TBC1D31: variants seen among roughly 807,000 people sequenced by gnomAD.
TBC1D31 encodes the protein WD repeat domain 67.
TBC1D31 carries 99 observed loss-of-function variants against 132.9 expected under a neutral mutation model. The ratio of observed to expected loss-of-function variants is 0.74; its 90% CI spans 0.63 to 0.88. The LOEUF is 0.88. Among genes scored for constraint, TBC1D31 ranks in the 40% least tolerant of loss-of-function variants. The pLI is 0.00. For missense variants in TBC1D31, 1,134 were observed against 1,256.6 expected, an observed-to-expected ratio of 0.90 and a Z score of 1.48; for synonymous variants, 385 against 419.4, an observed-to-expected ratio of 0.92 and a Z score of 1.00.
intron 2 of TBC1D31, among the ~76,000 whole-genome samples, chr8:123,078,789 G>A (rs1208284204): frequency 6.6e-6 from 1 of 152,106 alleles, no homozygotes; most frequent in African/African-American, 2.4e-5. Context: ...AGTTCATGTT[G>A]TAACCAGTAT....
In TBC1D31 at chr8:123,126,732, T is replaced by C. The variant is rs780875014; in HGVS notation, c.1884+45T>C. ...AGAGAAGGTTCTCAAATATCAGTTA[T>C]TTCTCTCTATTTTTTTTTTAATTTT... On this transcript the variant is annotated intron_variant, in intron 13 of 21. Transcript: ENST00000287380. The C allele has an allele frequency of 3.3e-6, 5 of 1,508,474 alleles. No individual in the cohort carries two copies. In the Admixed American group the frequency reaches 1.1e-4, roughly 33 times the overall value. 93.4% of individuals were successfully genotyped at this position (1,508,474 alleles called of 1,614,324 possible). A position where few individuals can be genotyped will look rare whatever the true frequency, so the allele number is the denominator to read the frequency against.
intron 8 of TBC1D31, among the ~76,000 whole-genome samples, chr8:123,105,809 A>G (rs771216957): frequency 3.3e-5 from 5 of 152,234 alleles, no homozygotes; most frequent in Non-Finnish European, 7.3e-5. Context: ...ACACATATAC[A>G]AAGTACACAT....
intron 1 of TBC1D31, among the ~76,000 whole-genome samples, chr8:123,074,302 AAGC>A (rs1300043050): frequency 6.7e-6 from 1 of 148,390 alleles, no homozygotes; most frequent in Non-Finnish European, 1.5e-5. Context: ...TTACAGGCGT[AAGC>A]CACCGCGCCT....
intron 10 of TBC1D31, among the ~76,000 whole-genome samples, chr8:123,115,734 A>G (rs1306964592): frequency 6.6e-6 from 1 of 152,156 alleles, no homozygotes; most frequent in Non-Finnish European, 1.5e-5. Context: ...TCTGTCTTCA[A>G]AGCACCTCTC....
At chr8:123,097,884 T>G (rs1048882447) in intron 6 of TBC1D31, 4 of 152,632 alleles carry the variant, frequency 2.6e-5, no homozygotes, top group African/African-American at 9.6e-5. Flanking sequence ...TTATTTATCT[T>G]AACTGGTTGC....
chr8:123,090,781 T>C (rs1816239658), intron 4 of TBC1D31, among the ~76,000 whole-genome samples: 1 of 151,856 alleles, frequency 6.6e-6, no homozygotes, highest in African/African-American at 2.4e-5. Flanking sequence ...TGAAACCCCA[T>C]CTCTACTAAA....
chr8:123,073,601 G>T (rs189871054), intron 1 of TBC1D31, among the ~76,000 whole-genome samples: 184 of 152,310 alleles, frequency 1.2e-3, no homozygotes, highest in Non-Finnish European at 2.1e-3. Flanking sequence ...ATTTCTGCAC[G>T]CAGAGTGATC....
At chr8:123,151,301 C>T (rs1419583904) in intron 21 of TBC1D31, among the ~76,000 whole-genome samples, 1 of 152,182 alleles carries the variant, frequency 6.6e-6, no homozygotes, top group Non-Finnish European at 1.5e-5. Context: ...TCACTAGCCC[C>T]TCTAAATCAG....
At chr8:123,163,171 C>T in the TBC1D31 span, among the ~76,000 whole-genome samples, 10 of 151,828 alleles carry the variant, frequency 6.6e-5, no homozygotes, top group South Asian at 8.3e-4. Context: ...TATATATACT[C>T]GGCCTCCCAG....
chr8:123,108,305 A>G (rs1432836125), intron 8 of TBC1D31, among the ~76,000 whole-genome samples: 1 of 152,184 alleles, frequency 6.6e-6, no homozygotes, highest in Non-Finnish European at 1.5e-5. Flanking sequence ...GAGATAATAT[A>G]TGCAAACAGC....
chr8:123,080,529 C>CTTTTTTTTTTT (rs57694076), intron 2 of TBC1D31, among the ~76,000 whole-genome samples: 3 of 76,320 alleles, frequency 3.9e-5, no homozygotes, highest in African/African-American at 5.5e-5. Context: ...TTCTTTTATT[C>CTTTTTTTTTTT]TTTTTTTTTT....
rs1365016444 is a variant in TBC1D31 at position 123,097,375 on chromosome 8, C to T, written c.765C>T (p.Pro255=). 4 of 1,614,102 alleles carry T rather than the reference C, an allele frequency of 2.5e-6. No homozygotes were observed. The highest frequency in any genetic ancestry group is 3.4e-6 in the Non-Finnish European group (4 of 1,180,002). ...ARQLFRIIQM[P]TKVRAIRHLE... ...AGCTCTTTAGAATTATCCAGATGCC[C>T]ACTAAAGTTCGAGCCATTCGCCATC... Residue 255 remains proline (P), a synonymous_variant, in exon 6 of 22, where the codon CCC becomes CCT. Transcript: ENST00000287380.
chr8:123,140,062 T>G (rs1821484404), intron 17 of TBC1D31, among the ~76,000 whole-genome samples: 1 of 152,110 alleles, frequency 6.6e-6, no homozygotes, highest in Admixed American at 6.6e-5. Context: ...CTGCTGGTTT[T>G]CAAGACTAAT....
At chr8:123,151,256 A>G (rs1822743367) in intron 21 of TBC1D31, among the ~76,000 whole-genome samples, 1 of 152,246 alleles carries the variant, frequency 6.6e-6, no homozygotes, top group African/African-American at 2.4e-5. Flanking sequence ...TCAGAGAAGT[A>G]TATTTTTAAG....
intron 3 of TBC1D31, 25 bp from the exon 4 acceptor site, chr8:123,084,137 G>C: frequency 6.2e-7 from 1 of 1,606,996 alleles, no homozygotes; most frequent in Non-Finnish European, 8.5e-7. Flanking sequence ...TTTTACCTGG[G>C]TAACAATTTT....
At chr8:123,156,143 C>T (rs1469936542), downstream of TBC1D31, among the ~76,000 whole-genome samples, 2 of 152,112 alleles carry the variant, frequency 1.3e-5, no homozygotes, top group African/African-American at 2.4e-5. Flanking sequence ...AAAAAGTTAT[C>T]GCAATTATCC....
intron 20 of TBC1D31, among the ~76,000 whole-genome samples, chr8:123,146,571 G>A (rs562824176): frequency 1.3e-4 from 20 of 152,124 alleles, no homozygotes; most frequent in South Asian, 4.1e-4. Context: ...TTCATCAGTC[G>A]ATGGACATCT....
intron 11 of TBC1D31, 100 bp from the exon 12 acceptor site, chr8:123,125,956 A>G: frequency 1.2e-6 from 1 of 821,156 alleles, no homozygotes; most frequent in Non-Finnish European, 1.8e-6. Context: ...ATTCATGGAC[A>G]TATTGAGAAC....
At chr8:123,081,604 G>C (rs966818760) in intron 2 of TBC1D31, among the ~76,000 whole-genome samples, 1 of 152,186 alleles carries the variant, frequency 6.6e-6, no homozygotes, top group African/African-American at 2.4e-5. Context: ...ATATTAGTCT[G>C]TTCTCATGCT....
Sources: gnomAD v4.1 joint callset for allele counts (sites outside exome capture counted in the v4.1 genomes callset) on GRCh38, gnomAD v4.1.1 for gene constraint, MANE v1.5 for transcripts, NCBI Gene and HGNC (gene_info 2026-07-23, HGNC 2026-07-21) for gene names.